The following MAD1L1 variants were observed in gnomAD, a reference collection of about 807,000 sequenced individuals.
The protein encoded by MAD1L1 is mitotic arrest deficient 1 like 1, also known as mitotic spindle assembly checkpoint protein MAD1.
A neutral mutation model predicts 96.9 loss-of-function variants in MAD1L1; 95 were observed. That is an observed-to-expected ratio of 0.98 (90% CI 0.83 to 1.16). The LOEUF (loss-of-function observed/expected upper bound fraction) is 1.16, where lower values mean the gene tolerates loss of function less well. Among genes scored for constraint, MAD1L1 ranks in the 50% most tolerant of loss-of-function variants. MAD1L1 has a pLI of 0.00. For missense variants in MAD1L1, 1,007 were observed against 954.4 expected, an observed-to-expected ratio of 1.06 and a Z score of -0.73; for synonymous variants, 473 against 396.6, an observed-to-expected ratio of 1.19 and a Z score of -2.29.
intron 10 of MAD1L1, among the ~76,000 whole-genome samples, chr7:2,167,391 C>T (rs574633892): frequency 9.2e-5 from 14 of 151,554 alleles, no homozygotes; most frequent in African/African-American, 3.1e-4. Context: ...ACTAAAAATA[C>T]AAAAAAAATT....
intron 11 of MAD1L1, among the ~76,000 whole-genome samples, chr7:2,090,172 C>T (rs1043505849): frequency 2.6e-5 from 4 of 152,190 alleles, no homozygotes; most frequent in Admixed American, 1.3e-4. Flanking sequence ...AGGCTAGTGC[C>T]GAGCAGGCAC....
intron 15 of MAD1L1, among the ~76,000 whole-genome samples, chr7:1,979,695 G>A (rs1245308848): frequency 6.6e-6 from 1 of 152,242 alleles, no homozygotes; most frequent in Non-Finnish European, 1.5e-5. Context: ...GCCTAGGACA[G>A]TGCAGTGGCA....
rs991678200 is a variant in MAD1L1, at chr7:2,032,436, G to A, written c.1219-17794C>T. On this transcript the variant is annotated intron_variant, in intron 12 of 18. Transcript: ENST00000265854. Reference sequence around the variant, plus strand: ...GCTCTAATAGCTACCTAAAGCCCCCGGGCAGCAGTGACCCCACGAGTCCTG... The same window carrying A: ...GCTCTAATAGCTACCTAAAGCCCCCAGGCAGCAGTGACCCCACGAGTCCTG... Among the ~76,000 whole-genome samples the A allele has an allele frequency of 5.3e-5, 8 of 152,328 alleles. No homozygotes were observed. In the East Asian group the frequency reaches 9.6e-4, roughly 18 times the overall value.
At chr7:1,905,536 T>C (rs1276817896) in intron 17 of MAD1L1, among the ~76,000 whole-genome samples, 3 of 149,322 alleles carry the variant, frequency 2.0e-5, no homozygotes, top group Non-Finnish European at 4.5e-5. Context: ...CAGTGGCCTA[T>C]GGAAGACGCT....
intron 15 of MAD1L1, among the ~76,000 whole-genome samples, chr7:1,966,445 G>A (rs949681358): frequency 1.3e-5 from 2 of 151,538 alleles, no homozygotes; most frequent in African/African-American, 2.4e-5. Flanking sequence ...CCATGCAGAC[G>A]AGTGTGCACG....
intron 16 of MAD1L1, among the ~76,000 whole-genome samples, chr7:1,954,770 G>A (rs1283225282): frequency 6.6e-6 from 1 of 152,264 alleles, no homozygotes; most frequent in Admixed American, 6.5e-5. Flanking sequence ...TCCCCATCTA[G>A]AGAGGGGGCG....
intron 16 of MAD1L1, among the ~76,000 whole-genome samples, chr7:1,945,631 A>T (rs960152806): frequency 6.6e-6 from 1 of 152,178 alleles, no homozygotes; most frequent in African/African-American, 2.4e-5. Context: ...TGCAGACGCC[A>T]TGGGGTGCCG....
At chr7:1,837,051 C>A (rs1183259947) in intron 18 of MAD1L1, among the ~76,000 whole-genome samples, 1 of 152,114 alleles carries the variant, frequency 6.6e-6, no homozygotes, top group East Asian at 1.9e-4. Context: ...AAGGAGAGAA[C>A]ACCAGCAATG....
intron 11 of MAD1L1, among the ~76,000 whole-genome samples, chr7:2,082,468 C>T (rs932098176): frequency 6.6e-6 from 1 of 152,118 alleles, no homozygotes; most frequent in Non-Finnish European, 1.5e-5. Context: ...CTGTCGGAGC[C>T]GTGACTTCAG....
intron 12 of MAD1L1, among the ~76,000 whole-genome samples, chr7:2,057,760 G>C (rs1325690772): frequency 6.6e-6 from 1 of 152,168 alleles, no homozygotes; most frequent in Non-Finnish European, 1.5e-5. Context: ...GTAGGCCTTC[G>C]TGACAAAGAC....
At chr7:2,028,660 A>G (rs1271543199) in intron 12 of MAD1L1, among the ~76,000 whole-genome samples, 1 of 152,154 alleles carries the variant, frequency 6.6e-6, no homozygotes, top group African/African-American at 2.4e-5. Context: ...CCACCCTATC[A>G]GGTAACGAGA....
At chr7:2,199,792 CG>C (rs1792185776) in intron 10 of MAD1L1, among the ~76,000 whole-genome samples, 1 of 152,216 alleles carries the variant, frequency 6.6e-6, no homozygotes, top group Non-Finnish European at 1.5e-5. Context: ...CCAGACTCCG[CG>C]GTAAGGCCAC....
chr7:1,912,011 A>G (rs554583555), intron 17 of MAD1L1, among the ~76,000 whole-genome samples: 1 of 152,336 alleles, frequency 6.6e-6, no homozygotes, highest in Non-Finnish European at 1.5e-5. Flanking sequence ...ACATCCCCTC[A>G]GACACTTGTC....
At chr7:2,189,097 G>C (rs113245471) in intron 10 of MAD1L1, among the ~76,000 whole-genome samples, 4 of 152,156 alleles carry the variant, frequency 2.6e-5, no homozygotes, top group African/African-American at 9.7e-5. Flanking sequence ...CTAATCATTA[G>C]GGAAATGCAT....
intron 13 of MAD1L1, among the ~76,000 whole-genome samples, chr7:2,010,705 C>T (rs557919814): frequency 6.2e-4 from 95 of 152,310 alleles, no homozygotes; most frequent in African/African-American, 2.1e-3. Flanking sequence ...GTTTAGCTAA[C>T]GGGTGGGTGG....
intron 4 of MAD1L1, among the ~76,000 whole-genome samples, 173 bp from the exon 5 acceptor site, chr7:2,222,927 T>C (rs1793688010): frequency 1.3e-5 from 2 of 152,164 alleles, no homozygotes; most frequent in South Asian, 2.1e-4. Context: ...AGCCCCAGCG[T>C]TGGCACCCCC....
chr7:2,060,672 C>A (rs1417469873), intron 12 of MAD1L1, among the ~76,000 whole-genome samples: 1 of 152,198 alleles, frequency 6.6e-6, no homozygotes, highest in Non-Finnish European at 1.5e-5. Context: ...TGGACGGCCA[C>A]GAGGGGTCCC....
At chr7:1,952,408 T>C (rs1052763316) in intron 16 of MAD1L1, among the ~76,000 whole-genome samples, 1 of 152,206 alleles carries the variant, frequency 6.6e-6, no homozygotes, top group Non-Finnish European at 1.5e-5. Context: ...GGACCTAACG[T>C]GGGTCCCTGG....
intron 12 of MAD1L1, among the ~76,000 whole-genome samples, chr7:2,055,760 C>T (rs2128520246): frequency 6.6e-6 from 1 of 151,758 alleles, no homozygotes; most frequent in Non-Finnish European, 1.5e-5. Flanking sequence ...GGGTGGATCA[C>T]TTGAGGTCAG....
Sources: gnomAD v4.1 joint callset for allele counts (sites outside exome capture counted in the v4.1 genomes callset) on GRCh38, gnomAD v4.1.1 for gene constraint, MANE v1.5 for transcripts, NCBI Gene and HGNC (gene_info 2026-07-23, HGNC 2026-07-21) for gene names.